Variants in SOX6 observed in about 807,000 individuals in gnomAD.
SOX6 encodes transcription factor SOX-6.
Under a neutral mutation model 97.8 loss-of-function variants are expected in SOX6, and 11 were observed. The observed-to-expected ratio is 0.11, with a 90% CI of 0.07 to 0.19. SOX6 has a LOEUF of 0.19. Ranked by LOEUF, SOX6 falls within the 10% of genes least tolerant of loss-of-function variation. The pLI, the probability that SOX6 is intolerant of heterozygous loss-of-function variation, is 1.00. For missense variants in SOX6, 810 were observed against 1,039.5 expected (o/e 0.78, Z 3.04); for synonymous variants, 360 against 371.4 (o/e 0.97, Z 0.35).
chr11:16,496,896 T>G (rs970192314), intron 4 of SOX6, among the ~76,000 whole-genome samples: 4 of 151,888 alleles, frequency 2.6e-5, no homozygotes, highest in African/African-American at 9.7e-5. Context: ...CTGGGGAGAG[T>G]GCATAGCCAG....
intron 4 of SOX6, among the ~76,000 whole-genome samples, chr11:16,587,453 T>G (rs1346205192): frequency 6.6e-6 from 1 of 152,172 alleles, no homozygotes; most frequent in Non-Finnish European, 1.5e-5. Context: ...TAATAAAACC[T>G]CTCAAAAAAT....
chr11:16,022,675 A>C (rs1855103557), intron 12 of SOX6, among the ~76,000 whole-genome samples: 1 of 152,118 alleles, frequency 6.6e-6, no homozygotes, highest in Non-Finnish European at 1.5e-5. Context: ...AGCCTCCCAA[A>C]GTGCTGGGAT....
intron 3 of SOX6, among the ~76,000 whole-genome samples, chr11:16,675,119 C>A (rs547575598): frequency 1.3e-5 from 2 of 152,182 alleles, no homozygotes; most frequent in African/African-American, 4.8e-5. Context: ...AAATCAGTAG[C>A]ATTTCTATAT....
At position 15,968,067 on chromosome 11, in the gene SOX6, T is replaced by C. The variant is rs1359594716; in HGVS notation, c.*4742A>G. ...GTACAGGGGCACGCTCAATAGGATA[T>C]GGCATCAGAAACAGAACATCATTGG... is the stretch of plus-strand genomic sequence containing the variant. On this transcript the variant is annotated 3_prime_UTR_variant, in exon 16 of 16. Coordinates refer to ENST00000683767, the MANE Select transcript of SOX6 (RefSeq NM_001367873.1). 2 of 152,204 alleles carry C rather than the reference T, an allele frequency of 1.3e-5. No individual in the cohort carries two copies. The highest frequency in any genetic ancestry group is 2.4e-5 in the African/African-American group (1 of 41,454). 9.4% of individuals were successfully genotyped at this position (152,204 alleles called of 1,614,324 possible).
chr11:16,308,637 T>G (rs1467503561), intron 3 of SOX6, among the ~76,000 whole-genome samples: 1 of 152,184 alleles, frequency 6.6e-6, no homozygotes, highest in African/African-American at 2.4e-5. Context: ...ATTAATAGGT[T>G]TGTAATTTTG....
At chr11:16,627,665 T>C (rs1848641883) in intron 3 of SOX6, among the ~76,000 whole-genome samples, 1 of 152,226 alleles carries the variant, frequency 6.6e-6, no homozygotes, top group Non-Finnish European at 1.5e-5. Context: ...CCTTGTTCAA[T>C]TGTTTAAGCT....
chr11:16,231,423 A>C (rs1852847646), intron 4 of SOX6, among the ~76,000 whole-genome samples: 1 of 151,790 alleles, frequency 6.6e-6, no homozygotes, highest in Admixed American at 6.6e-5. Context: ...AACTCATTAA[A>C]TCAACAATGA....
At chr11:16,294,238 T>A (rs1234418217) in intron 3 of SOX6, among the ~76,000 whole-genome samples, 1 of 151,850 alleles carries the variant, frequency 6.6e-6, no homozygotes, top group African/African-American at 2.4e-5. Flanking sequence ...GCTAGAAAAA[T>A]TGCCATATAT....
At chr11:16,719,847 C>T (rs2134052847) in intron 2 of SOX6, among the ~76,000 whole-genome samples, 1 of 152,034 alleles carries the variant, frequency 6.6e-6, no homozygotes, top group Middle Eastern at 3.4e-3. Context: ...TTGCTTGATC[C>T]CAGGAGGTAG....
chr11:16,254,044 C>G (rs960606985), intron 3 of SOX6, among the ~76,000 whole-genome samples: 2 of 151,662 alleles, frequency 1.3e-5, no homozygotes, highest in Non-Finnish European at 2.9e-5. Context: ...ATGACTTCTC[C>G]TCAGAAACCA....
At chr11:16,115,454 C>T (rs1849324437) in intron 6 of SOX6, among the ~76,000 whole-genome samples, 1 of 152,128 alleles carries the variant, frequency 6.6e-6, no homozygotes, top group African/African-American at 2.4e-5. Context: ...TTCCTTCTCT[C>T]CCCCTGCTCC....
chr11:16,626,375 G>A (rs1848624436), intron 3 of SOX6, among the ~76,000 whole-genome samples: 2 of 152,122 alleles, frequency 1.3e-5, no homozygotes, highest in Admixed American at 1.3e-4. Flanking sequence ...CATAAATGTG[G>A]ATCTATTTCT....
At chr11:16,647,984 G>T (rs935776725) in intron 3 of SOX6, among the ~76,000 whole-genome samples, 2 of 152,112 alleles carry the variant, frequency 1.3e-5, no homozygotes, top group African/African-American at 4.8e-5. Flanking sequence ...GAAATTGGTA[G>T]TAGGTTCAAC....
chr11:16,375,755 T>C (rs888797421), intron 1 of SOX6, among the ~76,000 whole-genome samples: 5 of 152,142 alleles, frequency 3.3e-5, no homozygotes, highest in East Asian at 1.9e-4. Flanking sequence ...TGCAGCACTA[T>C]TCACAATAGC....
At chr11:16,574,374 G>A (rs1357013667) in intron 4 of SOX6, among the ~76,000 whole-genome samples, 1 of 152,110 alleles carries the variant, frequency 6.6e-6, no homozygotes, top group Admixed American at 6.6e-5. Flanking sequence ...AGGTAACCCT[G>A]TAGAGCAGTC....
rs557437543 is a variant in SOX6 at position 16,727,290 on chromosome 11, C to CTT, written n.353+9047_353+9048dup. Among the ~76,000 whole-genome samples, 409 of 92,962 alleles carry CTT rather than the reference C, an allele frequency of 4.4e-3. 1 individual carries two copies. Among genetic ancestry groups the CTT allele is most frequent in the African/African-American group, 8.3e-3 (198 of 23,794 alleles). 61.0% of individuals were successfully genotyped at this position (92,962 alleles called of 152,430 possible). A position where few individuals can be genotyped will look rare whatever the true frequency, so the allele number is the denominator to read the frequency against. ...CACTTTATATGCTATATTCACCTTG[C>CTT]TTTTTTTTTTTTTTTTTTTTTTGGA... On this transcript the variant is annotated intron_variant and non_coding_transcript_variant, in intron 2 of 5. Coordinates refer to the SOX6 transcript ENST00000524520.
At chr11:16,631,069 T>C (rs1848700803) in intron 3 of SOX6, among the ~76,000 whole-genome samples, 2 of 152,074 alleles carry the variant, frequency 1.3e-5, no homozygotes, top group Admixed American at 6.6e-5. Context: ...AAGTGGGGGG[T>C]TTAAAGTATT....
chr11:16,258,371 C>A (rs1853760973), intron 3 of SOX6, among the ~76,000 whole-genome samples: 1 of 151,540 alleles, frequency 6.6e-6, no homozygotes, highest in Non-Finnish European at 1.5e-5. Context: ...AAACATTATT[C>A]TGCACTGAAA....
intron 4 of SOX6, 135 bp from the exon 5 acceptor site, chr11:16,187,090 G>T: frequency 1.1e-6 from 1 of 906,376 alleles, no homozygotes; most frequent in South Asian, 1.4e-5. Flanking sequence ...GCCATTGAGG[G>T]TACAGGAACA....
Sources: gnomAD v4.1 joint callset for allele counts (sites outside exome capture counted in the v4.1 genomes callset) on GRCh38, gnomAD v4.1.1 for gene constraint, MANE v1.5 for transcripts, NCBI Gene and HGNC (gene_info 2026-07-23, HGNC 2026-07-21) for gene names.